The following IL1RAPL2 variants were observed in gnomAD, a reference collection of about 807,000 sequenced individuals.
IL1RAPL2 encodes the protein interleukin 1 receptor accessory protein like 2, also known as X-linked interleukin-1 receptor accessory protein-like 2.
IL1RAPL2 carries 3 observed loss-of-function variants against 44.1 expected under a neutral mutation model. The ratio of observed to expected loss-of-function variants is 0.07; its 90% CI spans 0.03 to 0.18. The LOEUF (loss-of-function observed/expected upper bound fraction) is 0.18. Ranked by LOEUF, IL1RAPL2 falls within the 10% of genes least tolerant of loss-of-function variation. The pLI, the probability that IL1RAPL2 is intolerant of heterozygous loss-of-function variation, is 1.00. For missense variants in IL1RAPL2, 391 were observed against 496.4 expected, an observed-to-expected ratio of 0.79 and a Z score of 2.02; for synonymous variants, 181 against 178.8, an observed-to-expected ratio of 1.01 and a Z score of -0.10.
At chrX:104,739,697 G>C (rs1048966857) in intron 2 of IL1RAPL2, among the ~76,000 whole-genome samples, 1 of 111,755 alleles carries the variant, frequency 8.9e-6, no homozygotes. Context: ...TTGCTCTGTG[G>C]ATCAAAATTT....
intron 6 of IL1RAPL2, among the ~76,000 whole-genome samples, chrX:105,578,128 G>A (rs1004475778): frequency 2.9e-5 from 3 of 103,926 alleles, no homozygotes; most frequent in South Asian, 4.5e-4. Flanking sequence ...GAGAACGTGC[G>A]GTGTTTGGTT....
intron 5 of IL1RAPL2, among the ~76,000 whole-genome samples, chrX:105,294,831 C>T (rs971277488): frequency 6.3e-5 from 7 of 111,653 alleles, no homozygotes; most frequent in African/African-American, 2.3e-4. Context: ...TTCACAGTAA[C>T]CTTGTGAAGA....
chrX:105,714,576 G>T (rs1476509967), intron 6 of IL1RAPL2, among the ~76,000 whole-genome samples: 1 of 111,712 alleles, frequency 9.0e-6, no homozygotes, highest in Non-Finnish European at 1.9e-5. Flanking sequence ...ATTAGGTGAG[G>T]GTCATCCCAT....
intron 5 of IL1RAPL2, among the ~76,000 whole-genome samples, chrX:105,458,135 T>C (rs1260945822): frequency 9.0e-6 from 1 of 111,693 alleles, no homozygotes; most frequent in Non-Finnish European, 1.9e-5. Flanking sequence ...GATAAATGTC[T>C]ATCGAATTTC....
intron 6 of IL1RAPL2, among the ~76,000 whole-genome samples, chrX:105,559,948 C>G (rs776235485): frequency 4.5e-5 from 5 of 111,829 alleles, no homozygotes; most frequent in Non-Finnish European, 9.4e-5. Context: ...CTTCTGCCTT[C>G]AACTTTGCTC....
intron 5 of IL1RAPL2, among the ~76,000 whole-genome samples, chrX:105,385,288 G>A (rs922581063): frequency 2.7e-5 from 3 of 110,317 alleles, no homozygotes; most frequent in African/African-American, 6.6e-5. Flanking sequence ...TACTCTTTAC[G>A]CATTCAATTC....
At chrX:105,490,898 G>A (rs1456092704) in intron 6 of IL1RAPL2, among the ~76,000 whole-genome samples, 3 of 111,743 alleles carry the variant, frequency 2.7e-5, no homozygotes, top group Non-Finnish European at 5.7e-5. Context: ...TCTTGTGGCA[G>A]GACCTCATGT....
chrX:105,213,966 C>T (rs1362526065), intron 3 of IL1RAPL2, among the ~76,000 whole-genome samples: 7 of 107,841 alleles, frequency 6.5e-5, no homozygotes, highest in Admixed American at 3.0e-4. Flanking sequence ...TACAAGAGAT[C>T]CTGAAGGAAG....
intron 2 of IL1RAPL2, among the ~76,000 whole-genome samples, chrX:104,746,774 G>T (rs188179015): frequency 9.6e-4 from 107 of 111,647 alleles, no homozygotes; most frequent in Non-Finnish European, 1.4e-3. Flanking sequence ...ATTTTCAGGG[G>T]AAGGACAGAG....
At chrX:104,956,332 A>G (rs1226836748) in intron 2 of IL1RAPL2, among the ~76,000 whole-genome samples, 2 of 111,826 alleles carry the variant, frequency 1.8e-5, no homozygotes, top group African/African-American at 6.5e-5. Flanking sequence ...ATCTGTAAAA[A>G]CAAGAGGGGC....
chrX:105,556,606 T>G (rs2036898458), intron 6 of IL1RAPL2, among the ~76,000 whole-genome samples: 1 of 111,821 alleles, frequency 8.9e-6, no homozygotes, highest in African/African-American at 3.2e-5. Context: ...ATTACACTGG[T>G]TAAATAGTAG....
Position 104,678,068 on chromosome X carries a change from C to T in IL1RAPL2, c.82+19073C>T, listed in dbSNP as rs776486834. On this transcript the variant is annotated intron_variant, in intron 2 of 10. Transcript: ENST00000372582. Reference sequence around the variant, plus strand: ...AAATCACCATCTTCTGCGTTGCTCACGCTGACAGCTGTAGACCAGAGCTGT... The same window carrying T: ...AAATCACCATCTTCTGCGTTGCTCATGCTGACAGCTGTAGACCAGAGCTGT... Among the ~76,000 whole-genome samples the T allele has an allele frequency of 9.8e-5, 11 of 112,731 alleles. No individual in the cohort carries two copies. In the East Asian group the frequency reaches 1.1e-3, roughly 12 times the overall value.
chrX:105,637,715 A>G (rs183616033), intron 6 of IL1RAPL2, among the ~76,000 whole-genome samples: 72 of 110,012 alleles, frequency 6.5e-4, no homozygotes, highest in Admixed American at 2.6e-3. Context: ...GAATAACCAT[A>G]CATTGAAGCA....
At chrX:104,756,343 G>T (rs894469786) in intron 2 of IL1RAPL2, among the ~76,000 whole-genome samples, 2 of 110,970 alleles carry the variant, frequency 1.8e-5, no homozygotes, top group African/African-American at 3.3e-5. Flanking sequence ...TATTTAACTT[G>T]CCTCCAAATC....
intron 2 of IL1RAPL2, among the ~76,000 whole-genome samples, chrX:105,042,167 G>A (rs753553355): frequency 0.027 from 2,958 of 110,682 alleles, 105 homozygotes; most frequent in African/African-American, 0.093. Flanking sequence ...ATAGGCATTG[G>A]CAAGGACTTC....
chrX:104,960,813 C>G (rs947321365), intron 2 of IL1RAPL2, among the ~76,000 whole-genome samples: 1 of 111,312 alleles, frequency 9.0e-6, no homozygotes, highest in Non-Finnish European at 1.9e-5. Flanking sequence ...TTTATGGCAT[C>G]AAGCTCTGAG....
chrX:105,579,782 T>C (rs2037075732), intron 6 of IL1RAPL2, among the ~76,000 whole-genome samples: 1 of 111,836 alleles, frequency 8.9e-6, no homozygotes, highest in Non-Finnish European at 1.9e-5. Flanking sequence ...TAATACCACC[T>C]ATTATCCATT....
intron 4 of IL1RAPL2, among the ~76,000 whole-genome samples, chrX:105,261,178 G>A (rs187592126): frequency 1.8e-5 from 2 of 111,850 alleles, no homozygotes; most frequent in East Asian, 5.7e-4. Flanking sequence ...CGTGGGAGAA[G>A]GTGGTTTCCT....
intron 2 of IL1RAPL2, among the ~76,000 whole-genome samples, chrX:105,179,417 G>A (rs902874314): frequency 1.1e-4 from 12 of 111,923 alleles, no homozygotes; most frequent in South Asian, 3.7e-4. Flanking sequence ...TTGAAATCAC[G>A]TAATGTGATG....
Sources: allele counts gnomAD v4.1 joint callset (sites outside exome capture counted in the v4.1 genomes callset), GRCh38; gene constraint gnomAD v4.1.1; transcripts MANE v1.5; gene names NCBI Gene and HGNC (gene_info 2026-07-23, HGNC 2026-07-21).